The following NADSYN1 variants were observed in gnomAD, a reference collection of about 807,000 sequenced individuals.
The protein encoded by NADSYN1 is glutamine-dependent NAD(+) synthetase.
In NADSYN1, 80 loss-of-function variants were observed where a neutral mutation model predicts 99.3. The observed-to-expected ratio is 0.81, with a 90% CI of 0.67 to 0.97. NADSYN1 has a LOEUF of 0.97. Ranked by LOEUF, NADSYN1 falls within the 50% of genes least tolerant of loss-of-function variation. NADSYN1 has a pLI of 0.00. For missense variants in NADSYN1, 859 were observed against 948.5 expected (o/e 0.91, Z 1.24); for synonymous variants, 385 against 372.1 (o/e 1.03, Z -0.40).
In NADSYN1 at chr11:71,489,242, C is replaced by T. The variant is rs917349429; in HGVS notation, c.1563-1603C>T. Among the ~76,000 whole-genome samples, 90 of 152,198 alleles carry T rather than the reference C, an allele frequency of 5.9e-4. 1 individual carries two copies. Among genetic ancestry groups the T allele is most frequent in the South Asian group, 4.1e-4 (2 of 4,824 alleles). Reference sequence around the variant, plus strand: ...AGAGGAGGGGACAGCTGCTGGAACTCGGTGGTCCTGTATTGAAATTTATGG... The same window carrying T: ...AGAGGAGGGGACAGCTGCTGGAACTTGGTGGTCCTGTATTGAAATTTATGG... On this transcript the variant is annotated intron_variant, in intron 16 of 20. Transcript: ENST00000319023.
At position 71,473,617 on chromosome 11, in the gene NADSYN1, C is replaced by T. The variant is rs2120445271; in HGVS notation, c.597C>T (p.Ala199=). The change falls in exon 8 of 21, where the codon GCC becomes GCT. Residue 199 remains alanine (A), a synonymous_variant. Transcript: ENST00000319023. ...ATGGCGTGGAGATCATCACCAACGC[C>T]TCGGGCAGCCACCAAGTGCTGCGCA... The part of the protein sequence containing the change: ...GLDGVEIITN[A]SGSHQVLRKA... 6.2e-7 allele frequency: 1 copy of T among 1,613,168 alleles called. No individual in the cohort carries two copies. The highest frequency in any genetic ancestry group is 1.7e-5 in the Admixed American group (1 of 60,028).
intron 18 of NADSYN1, among the ~76,000 whole-genome samples, chr11:71,492,364 G>T (rs1949787892): frequency 6.6e-6 from 1 of 152,176 alleles, no homozygotes; most frequent in Admixed American, 6.5e-5. Context: ...AGGTCACCAG[G>T]ACTTGCTGCT....
At chr11:71,453,510 G>C in intron 1 of NADSYN1, 129 bp downstream of exon 1, 1 of 801,340 alleles carries the variant, frequency 1.2e-6, no homozygotes, top group Non-Finnish European at 2.0e-6. Context: ...GGGATCAGGT[G>C]AGATAATGGG....
Position 71,484,448 on chromosome 11 carries a change from G to A in NADSYN1, c.1455+1G>A. ...AAACCTGGCGCTGCAAAATGTGCAG[G>A]TGCCCCCGCCTGGGCCGGCGTCCCC... On this transcript the variant is annotated splice_donor_variant, in intron 15 of 20. Coordinates refer to ENST00000319023, the MANE Select transcript of NADSYN1 (RefSeq NM_018161.5). LOFTEE classifies it high-confidence loss of function. 6.2e-7 allele frequency: 1 copy of A among 1,613,054 alleles called. No individual in the cohort carries two copies. Among genetic ancestry groups the A allele is most frequent in the Non-Finnish European group, 8.5e-7 (1 of 1,179,530 alleles).
intron 10 of NADSYN1, chr11:71,479,284 CAG>C (rs113270940): frequency 3.3e-5 from 5 of 150,442 alleles, no homozygotes; most frequent in East Asian, 2.0e-4. Flanking sequence ...TTTTTAGAGA[CAG>C]AGTCTCACTA....
intron 3 of NADSYN1, among the ~76,000 whole-genome samples, chr11:71,461,869 G>A (rs1231872839): frequency 6.6e-6 from 1 of 152,206 alleles, no homozygotes; most frequent in Non-Finnish European, 1.5e-5. Flanking sequence ...GATTACAGTA[G>A]GACATGAGAT....
Position 71,484,458 on chromosome 11 carries a change from C to T in NADSYN1, c.1455+11C>T, listed in dbSNP as rs750074641. ...CTGCAAAATGTGCAGGTGCCCCCGCCTGGGCCGGCGTCCCCTGGGGGTGGG... is the reference window on the plus strand; with the variant it reads ...CTGCAAAATGTGCAGGTGCCCCCGCTTGGGCCGGCGTCCCCTGGGGGTGGG... On this transcript the variant is annotated intron_variant, in intron 15 of 20. Transcript: ENST00000319023. The T allele has an allele frequency of 1.2e-6, 2 of 1,610,844 alleles. No individual in the cohort carries two copies. Among genetic ancestry groups the T allele is most frequent in the East Asian group, 2.2e-5 (1 of 44,814 alleles).
At chr11:71,480,264 C>T (rs1263018537) in intron 10 of NADSYN1, 2 of 162,214 alleles carry the variant, frequency 1.2e-5, no homozygotes, top group African/African-American at 2.4e-5. Flanking sequence ...ACCTCTGCCT[C>T]GTAGATTCAA....
rs756803878 is a variant in NADSYN1 at position 71,464,133 on chromosome 11, C to T, written c.398C>T (p.Ser133Leu). 6.8e-6 allele frequency: 11 copies of T among 1,608,580 alleles called. No individual in the cohort carries two copies. The highest frequency in any genetic ancestry group is 2.2e-5 in the East Asian group (1 of 44,748). Residue 133 changes from serine to leucine, a missense_variant, in exon 5 of 21, where the codon TCG (serine) becomes TTG (leucine). Coordinates refer to ENST00000319023, the MANE Select transcript of NADSYN1 (RefSeq NM_018161.5). ...GAGCTGCGCTGGTTCACCCCGTGGT[C>T]GAGGAGTCGGTGAGTCGGGTGCCTG... ...YRELRWFTPW[S>L]RSRHTEEYFL...
intron 18 of NADSYN1, among the ~76,000 whole-genome samples, chr11:71,492,391 G>A (rs1345691250): frequency 6.6e-6 from 1 of 152,072 alleles, no homozygotes; most frequent in African/African-American, 2.4e-5. Context: ...TCTTCCAAGC[G>A]TTTTCTAGTT....
chr11:71,457,789 C>T (rs1284204529), intron 2 of NADSYN1, among the ~76,000 whole-genome samples: 1 of 152,206 alleles, frequency 6.6e-6, no homozygotes, highest in African/African-American at 2.4e-5. Context: ...TTCTCCCTGT[C>T]TCTCCTCTCC....
intron 9 of NADSYN1, chr11:71,475,766 G>A: frequency 3.2e-6 from 1 of 310,148 alleles, no homozygotes; most frequent in South Asian, 2.8e-5. Flanking sequence ...CCAGGCTGGA[G>A]TGCAGTGGCG....
intron 20 of NADSYN1, 170 bp downstream of exon 20, chr11:71,498,698 T>C (rs1049946270): frequency 2.9e-6 from 2 of 681,788 alleles, no homozygotes; most frequent in South Asian, 2.1e-5. Context: ...ATTTACTTTT[T>C]TCGTGTTGAC....
intron 5 of NADSYN1, among the ~76,000 whole-genome samples, chr11:71,467,981 A>G (rs536891893): frequency 6.6e-6 from 1 of 152,356 alleles, no homozygotes; most frequent in African/African-American, 2.4e-5. Flanking sequence ...AGGGAAAAAG[A>G]CAAATTGCCC....
At position 71,497,535 on chromosome 11, in the gene NADSYN1, A is replaced by G; in HGVS notation, c.1817A>G (p.Lys606Arg). 2 of 1,614,188 alleles carry G rather than the reference A, an allele frequency of 1.2e-6. No individual in the cohort carries two copies. The highest frequency in any genetic ancestry group is 2.2e-5 in the East Asian group (1 of 44,880). ...CTCTCGGTCTATGGGAAACTCAGGA[A>G]GGTGGCCAAGATGGGGCCCTACAGC... ...AELSVYGKLR[K>R]VAKMGPYSMF... Residue 606 changes from lysine (K) to arginine (R), a missense_variant, in exon 19 of 21, where the codon AAG (lysine) becomes AGG (arginine). Lys to Arg is a conservative substitution (Grantham distance 26, BLOSUM62 2). Coordinates refer to ENST00000319023, the MANE Select transcript of NADSYN1 (RefSeq NM_018161.5).
At chr11:71,469,023 T>C (rs1565598625) in intron 5 of NADSYN1, among the ~76,000 whole-genome samples, 1 of 152,170 alleles carries the variant, frequency 6.6e-6, no homozygotes, top group Admixed American at 6.6e-5. Context: ...GAAGGCACAG[T>C]GTGAAAAGCA....
chr11:71,491,053 A>T, intron 17 of NADSYN1, 77 bp downstream of exon 17: 1 of 1,579,506 alleles, frequency 6.3e-7, no homozygotes, highest in South Asian at 1.1e-5. Flanking sequence ...CCTGGCCCAC[A>T]CTCAGGCTCC....
At chr11:71,485,505 CAA>C in intron 15 of NADSYN1, 35 bp from the exon 16 acceptor site, 1 of 1,495,244 alleles carries the variant, frequency 6.7e-7, no homozygotes, top group Non-Finnish European at 9.0e-7. Context: ...TGTTCCTTTG[CAA>C]GGGAACCCGT....
At chr11:71,457,430 C>T (rs906808631) in intron 2 of NADSYN1, among the ~76,000 whole-genome samples, 1 of 150,726 alleles carries the variant, frequency 6.6e-6, no homozygotes, top group Non-Finnish European at 1.5e-5. Context: ...GAAAGGAGAA[C>T]TTCTTGAAGA....
Sources: gnomAD v4.1 joint callset for allele counts (sites outside exome capture counted in the v4.1 genomes callset) on GRCh38, gnomAD v4.1.1 for gene constraint, MANE v1.5 for transcripts, NCBI Gene and HGNC (gene_info 2026-07-23, HGNC 2026-07-21) for gene names.